Variants in TMEM108 observed in about 807,000 individuals in gnomAD.
TMEM108 encodes the protein transmembrane protein 108.
Under a neutral mutation model 35.1 loss-of-function variants are expected in TMEM108, and 12 were observed. The observed-to-expected ratio is 0.34, with a 90% CI of 0.22 to 0.55. TMEM108 has a LOEUF of 0.55. Ranked by LOEUF, TMEM108 falls within the 20% of genes least tolerant of loss-of-function variation. The pLI, the probability that TMEM108 is intolerant of heterozygous loss-of-function variation, is 0.89. For synonymous variants in TMEM108, 287 were observed against 308.6 expected, an observed-to-expected ratio of 0.93 and a Z score of 0.73; for missense variants, 680 against 753.3, an observed-to-expected ratio of 0.90 and a Z score of 1.14.
intron 2 of TMEM108, among the ~76,000 whole-genome samples, chr3:133,144,278 C>A (rs1415032966): frequency 1.3e-5 from 2 of 152,082 alleles, no homozygotes; most frequent in Non-Finnish European, 2.9e-5. Flanking sequence ...TAGCTTCATC[C>A]ATGTCCCTGC....
chr3:133,164,782 ACTT>A (rs1945012768), intron 2 of TMEM108, among the ~76,000 whole-genome samples: 1 of 152,136 alleles, frequency 6.6e-6, no homozygotes, highest in Non-Finnish European at 1.5e-5. Flanking sequence ...TAGAAGAGTC[ACTT>A]CTTTTGTGAA....
chr3:133,084,791 C>G (rs57912458), intron 2 of TMEM108, among the ~76,000 whole-genome samples: 2,295 of 152,218 alleles, frequency 0.015, 51 homozygotes, highest in African/African-American at 0.052. Flanking sequence ...GGGCACACAG[C>G]ACAGGGAGAT....
At chr3:133,289,410 C>G (rs985691054) in intron 3 of TMEM108, among the ~76,000 whole-genome samples, 1 of 152,210 alleles carries the variant, frequency 6.6e-6, no homozygotes, top group African/African-American at 2.4e-5. Context: ...CTACAGTGAA[C>G]TGACTGTGGA....
chr3:133,372,417 T>TA (rs1341431418), intron 3 of TMEM108, among the ~76,000 whole-genome samples: 1 of 152,186 alleles, frequency 6.6e-6, no homozygotes, highest in Non-Finnish European at 1.5e-5. Flanking sequence ...CCCTGTTTCT[T>TA]ACCCCTGGGA....
intron 2 of TMEM108, among the ~76,000 whole-genome samples, chr3:133,050,998 C>T (rs1301078940): frequency 1.4e-5 from 2 of 145,556 alleles, no homozygotes; most frequent in Non-Finnish European, 1.5e-5. Context: ...TTTTTGTGGA[C>T]ATAAATTTTT....
intron 3 of TMEM108, among the ~76,000 whole-genome samples, chr3:133,371,263 T>C (rs1352362486): frequency 6.6e-6 from 1 of 152,164 alleles, no homozygotes; most frequent in Non-Finnish European, 1.5e-5. Flanking sequence ...TTCATTTTGC[T>C]CATAAGTCTG....
At chr3:133,083,006 A>G (rs1321522247) in intron 2 of TMEM108, among the ~76,000 whole-genome samples, 1 of 152,148 alleles carries the variant, frequency 6.6e-6, no homozygotes, top group Non-Finnish European at 1.5e-5. Flanking sequence ...CGTCTAAAAC[A>G]GTAACTTTTT....
At chr3:133,163,617 C>T (rs1367687248) in intron 2 of TMEM108, among the ~76,000 whole-genome samples, 2 of 152,072 alleles carry the variant, frequency 1.3e-5, no homozygotes, top group Admixed American at 6.6e-5. Context: ...CACACTCATT[C>T]CTCTAACCCC....
chr3:133,043,956 C>T (rs1404261124), intron 1 of TMEM108, among the ~76,000 whole-genome samples: 6 of 152,230 alleles, frequency 3.9e-5, no homozygotes, highest in African/African-American at 1.4e-4. Context: ...TTGTTTAAAA[C>T]ATGCAAAATT....
intron 2 of TMEM108, among the ~76,000 whole-genome samples, chr3:133,075,752 CT>C (rs1943731243): frequency 6.6e-6 from 1 of 152,106 alleles, no homozygotes; most frequent in African/African-American, 2.4e-5. Context: ...GAAAAGATCC[CT>C]GGGGAAAGAT....
chr3:133,093,385 CT>C (rs1943973615), intron 2 of TMEM108, among the ~76,000 whole-genome samples: 1 of 152,184 alleles, frequency 6.6e-6, no homozygotes, highest in Non-Finnish European at 1.5e-5. Context: ...GGACACCACA[CT>C]CTTGGTAAGG....
chr3:133,202,768 C>T (rs543690601), intron 2 of TMEM108, among the ~76,000 whole-genome samples: 66 of 152,260 alleles, frequency 4.3e-4, no homozygotes, highest in Non-Finnish European at 9.0e-4. Context: ...ATTGTCTTGG[C>T]AATGTGGGCT....
chr3:133,379,648 C>T (rs185809029), intron 3 of TMEM108, 104 bp from the exon 4 acceptor site: 26 of 1,133,312 alleles, frequency 2.3e-5, no homozygotes, highest in African/African-American at 4.7e-5. Flanking sequence ...ATGCTCCTGA[C>T]GTTTCCTGAG....
chr3:133,395,825 T>C, intron 5 of TMEM108, 39 bp from the exon 6 acceptor site: 1 of 1,499,380 alleles, frequency 6.7e-7, no homozygotes, highest in South Asian at 1.4e-5. Context: ...CTCTTAAGCC[T>C]TCTCCAGCTC....
chr3:133,141,712 A>G (rs1438261206), intron 2 of TMEM108, among the ~76,000 whole-genome samples: 2 of 152,218 alleles, frequency 1.3e-5, no homozygotes, highest in Non-Finnish European at 2.9e-5. Flanking sequence ...CAAATACCAC[A>G]AGGCCCAAAC....
intron 3 of TMEM108, among the ~76,000 whole-genome samples, chr3:133,301,471 A>G (rs1379059165): frequency 6.6e-6 from 1 of 152,182 alleles, no homozygotes; most frequent in Non-Finnish European, 1.5e-5. Context: ...GCTGAAAAGC[A>G]TTATCTGGAA....
chr3:133,183,889 A>C (rs1199723139), intron 2 of TMEM108, among the ~76,000 whole-genome samples: 1 of 152,206 alleles, frequency 6.6e-6, no homozygotes, highest in East Asian at 1.9e-4. Flanking sequence ...CTGAACCAGC[A>C]AACGGGAGAT....
chr3:133,254,933 G>T (rs1042788978), intron 3 of TMEM108, among the ~76,000 whole-genome samples: 1 of 152,202 alleles, frequency 6.6e-6, no homozygotes, highest in Non-Finnish European at 1.5e-5. Flanking sequence ...GGTGGTTCAT[G>T]CTGGCTGTGA....
chr3:133,156,602 A>G (rs1440224853), intron 2 of TMEM108, among the ~76,000 whole-genome samples: 1 of 152,210 alleles, frequency 6.6e-6, no homozygotes, highest in Non-Finnish European at 1.5e-5. Flanking sequence ...AACCCAAACT[A>G]CAAGGGTGGA....
Sources: gnomAD v4.1 joint callset for allele counts (sites outside exome capture counted in the v4.1 genomes callset) on GRCh38, gnomAD v4.1.1 for gene constraint, MANE v1.5 for transcripts, NCBI Gene and HGNC (gene_info 2026-07-23, HGNC 2026-07-21) for gene names.